SNX8: variants seen among roughly 807,000 people sequenced by gnomAD.
The protein encoded by SNX8 is sorting nexin 8, also known as sorting nexin-8.
A neutral mutation model predicts 51.6 loss-of-function variants in SNX8; 25 were observed. That is an observed-to-expected ratio of 0.48 (90% confidence interval 0.35 to 0.68). SNX8 has a LOEUF of 0.68. SNX8 is among the 30% of genes least tolerant of loss of function. The pLI, the probability that SNX8 is intolerant of heterozygous loss-of-function variation, is 0.00. For missense variants in SNX8, 695 were observed against 624.0 expected, an observed-to-expected ratio of 1.11 and a Z score of -1.21; for synonymous variants, 324 against 277.0, an observed-to-expected ratio of 1.17 and a Z score of -1.68.
At chr7:2,311,075 G>C (rs1796648817) in intron 1 of SNX8, among the ~76,000 whole-genome samples, 1 of 152,088 alleles carries the variant, frequency 6.6e-6, no homozygotes, top group South Asian at 2.1e-4. Flanking sequence ...TTATAAAGAG[G>C]GTTGCCCTAG....
At position 2,264,301 on chromosome 7, in the gene SNX8, A is replaced by G; in HGVS notation, c.779T>C (p.Leu260Pro). 4 of 1,610,654 alleles carry G rather than the reference A, an allele frequency of 2.5e-6. No individual in the cohort carries two copies. The highest frequency in any genetic ancestry group is 3.4e-6 in the Non-Finnish European group (4 of 1,178,252). The change falls in exon 6 of 11, where the codon CTA (leucine) becomes CCA (proline). Residue 260 changes from leucine to proline, a missense_variant. Leu to Pro is a moderately conservative substitution (Grantham distance 98, BLOSUM62 -3). Coordinates refer to ENST00000222990, the MANE Select transcript of SNX8 (RefSeq NM_013321.4). ...CAGAAGCTGAAAGGTCACCTACCTT[A>G]GCTCCTTCCCGAATATGAGAAGATC... Reference protein sequence around the residue: ...AADLLIFGKELSAIGSDTTPL... With the variant: ...AADLLIFGKEPSAIGSDTTPL...
chr7:2,327,175 T>G (rs1039061722), intron 1 of SNX8, among the ~76,000 whole-genome samples: 2 of 152,086 alleles, frequency 1.3e-5, no homozygotes, highest in Non-Finnish European at 2.9e-5. Context: ...AGTCTCTGCC[T>G]CTGTCATCAC....
chr7:2,303,683 G>C (rs1266360036), intron 1 of SNX8, among the ~76,000 whole-genome samples: 5 of 152,148 alleles, frequency 3.3e-5, no homozygotes, highest in Admixed American at 1.3e-4. Context: ...TGAAACATGT[G>C]CTGTGTCCAC....
chr7:2,268,620 G>A (rs1233658539), intron 5 of SNX8, among the ~76,000 whole-genome samples: 2 of 127,972 alleles, frequency 1.6e-5, no homozygotes, highest in African/African-American at 3.0e-5. Context: ...CCTCCGCCCA[G>A]CCAGCCGCCC....
At chr7:2,274,900 G>A in intron 3 of SNX8, 1 of 551,074 alleles carries the variant, frequency 1.8e-6, no homozygotes. Flanking sequence ...GAAGGCTCTG[G>A]TGGGCCAAGG....
At chr7:2,315,877 C>G (rs62637761), upstream of SNX8, among the ~76,000 whole-genome samples, 1 of 81,418 alleles carries the variant, frequency 1.2e-5, no homozygotes, top group South Asian at 3.6e-4. Context: ...CATTCATTCA[C>G]TCACTCACTA....
At chr7:2,340,539 C>CTGCA (rs1284010042) in intron 1 of SNX8, among the ~76,000 whole-genome samples, 1 of 151,428 alleles carries the variant, frequency 6.6e-6, no homozygotes, top group Non-Finnish European at 1.5e-5. Context: ...TTTAGGACTA[C>CTGCA]TGCATGCATA....
intron 5 of SNX8, among the ~76,000 whole-genome samples, chr7:2,268,009 G>A (rs1413381251): frequency 7.5e-5 from 11 of 147,144 alleles, no homozygotes; most frequent in Non-Finnish European, 1.2e-4. Context: ...CCGAGACCCC[G>A]TCTGGGAGGT....
upstream of SNX8, chr7:2,314,510 C>G (rs1368252445): frequency 1.1e-5 from 12 of 1,125,770 alleles, no homozygotes; most frequent in Non-Finnish European, 1.3e-5. Flanking sequence ...CACACCCCGC[C>G]TGGTCACGCC....
At chr7:2,279,932 C>A (rs1414014040) in intron 1 of SNX8, among the ~76,000 whole-genome samples, 1 of 152,078 alleles carries the variant, frequency 6.6e-6, no homozygotes, top group Admixed American at 6.6e-5. Context: ...TTCTCTAGAG[C>A]CAAGAGAACA....
chr7:2,347,432 G>C (rs1349133961), intron 1 of SNX8, among the ~76,000 whole-genome samples: 1 of 133,204 alleles, frequency 7.5e-6, no homozygotes, highest in Non-Finnish European at 1.5e-5. Flanking sequence ...AGGGAGCCAA[G>C]ATAGCACCAC....
At chr7:2,259,334 C>T (rs917183888) in intron 7 of SNX8, among the ~76,000 whole-genome samples, 3 of 152,200 alleles carry the variant, frequency 2.0e-5, no homozygotes, top group African/African-American at 4.8e-5. Context: ...CCACAGCTCA[C>T]GCCCTCAGTC....
intron 1 of SNX8, among the ~76,000 whole-genome samples, chr7:2,352,955 G>T (rs975999853): frequency 6.6e-6 from 1 of 152,142 alleles, no homozygotes; most frequent in Non-Finnish European, 1.5e-5. Flanking sequence ...GTCAAACCTG[G>T]TACTAGGCAT....
chr7:2,323,045 G>C (rs1325402608), intron 1 of SNX8, among the ~76,000 whole-genome samples: 1 of 151,066 alleles, frequency 6.6e-6, no homozygotes, highest in East Asian at 1.9e-4. Context: ...AATAAATGGT[G>C]TGGGCCAGGC....
intron 1 of SNX8, among the ~76,000 whole-genome samples, chr7:2,286,521 A>ATAT (rs147928494): frequency 1.3e-5 from 2 of 149,696 alleles, no homozygotes; most frequent in African/African-American, 4.9e-5. Context: ...GCTATTTTAT[A>ATAT]ATTTTTTTTT....
intron 1 of SNX8, among the ~76,000 whole-genome samples, chr7:2,335,454 G>A (rs192140229): frequency 2.0e-5 from 3 of 151,014 alleles, no homozygotes; most frequent in East Asian, 3.9e-4. Context: ...TTCGAAACCC[G>A]CCTGGGCAAC....
rs902978587 is a variant in SNX8 at position 2,275,000 on chromosome 7, A to G, written c.418+112T>C. 3.8e-5 allele frequency: 29 copies of G among 757,400 alleles called. No homozygotes were observed. In the African/African-American group the frequency reaches 5.0e-4, roughly 13 times the overall value. 46.9% of individuals were successfully genotyped at this position (757,400 alleles called of 1,614,324 possible). A position where few individuals can be genotyped will look rare whatever the true frequency, so the allele number is the denominator to read the frequency against. ...GCCAAAAGGCTGGAGTTTCCCCCGC[A>G]GCCCTGCACCTGCCCCGGTCTACAG... On this transcript the variant is annotated intron_variant, in intron 3 of 10. Transcript: ENST00000222990.
chr7:2,290,971 G>A (rs922585944), intron 1 of SNX8, among the ~76,000 whole-genome samples: 22 of 152,194 alleles, frequency 1.4e-4, no homozygotes, highest in African/African-American at 5.1e-4. Flanking sequence ...TCCTGCAATG[G>A]TCTCAGTGTT....
At position 2,278,248 on chromosome 7, in the gene SNX8, G is replaced by C; in HGVS notation, c.152C>G (p.Pro51Arg). The C allele has an allele frequency of 6.2e-7, 1 of 1,610,152 alleles. No individual in the cohort carries two copies. The highest frequency in any genetic ancestry group is 8.5e-7 in the Non-Finnish European group (1 of 1,177,210). Residue 51 changes from proline to arginine, a missense_variant, in exon 2 of 11, where the codon CCC (proline) becomes CGC (arginine). Pro to Arg is a moderately radical substitution (Grantham distance 103). Coordinates refer to ENST00000222990, the MANE Select transcript of SNX8 (RefSeq NM_013321.4). ...CCCCTGCGGCATCTGCATTCGACTG[G>C]GGGCTGGGACCTGCTGCACGATGGC... ...PQAIVQQVPA[P>R]SRMQMPQGNP...
Sources: gnomAD v4.1 joint callset for allele counts (sites outside exome capture counted in the v4.1 genomes callset) on GRCh38, gnomAD v4.1.1 for gene constraint, MANE v1.5 for transcripts, NCBI Gene and HGNC (gene_info 2026-07-23, HGNC 2026-07-21) for gene names.